The following CD99 variants were observed in gnomAD, a reference collection of about 807,000 sequenced individuals.
CD99 encodes the protein CD99 antigen.
A neutral mutation model predicts 28.4 loss-of-function variants in CD99; 19 were observed. The observed-to-expected ratio is 0.67, with a 90% confidence interval of 0.47 to 0.98. The LOEUF is 0.98. Ranked by LOEUF, CD99 falls within the 50% of genes least tolerant of loss-of-function variation. The pLI, the probability that CD99 is intolerant of heterozygous loss-of-function variation, is 0.00. For synonymous variants in CD99, 103 were observed against 92.1 expected (o/e 1.12, Z -0.67); for missense variants, 283 against 248.8 (o/e 1.14, Z -0.92).
chrX:2,713,741 G>T (rs867568173), intron 1 of CD99, among the ~76,000 whole-genome samples: 32 of 152,184 alleles, frequency 2.1e-4, no homozygotes, highest in African/African-American at 7.7e-4. Context: ...TTGGTGCTGA[G>T]GAGTGGGGAC....
chrX:2,733,723 A>C, intron 8 of CD99: 2 of 362,576 alleles, frequency 5.5e-6, no homozygotes, highest in South Asian at 5.7e-5. Context: ...ATCCCTGCCA[A>C]GGGAACAAAC....
intron 6 of CD99, 122 bp downstream of exon 6, chrX:2,722,796 C>A: frequency 9.3e-7 from 1 of 1,073,504 alleles, no homozygotes; most frequent in African/African-American, 1.5e-5. Context: ...AATGTTCAGC[C>A]ATCTCTGTGG....
At chrX:2,725,664 A>G (rs1177539806) in intron 7 of CD99, among the ~76,000 whole-genome samples, 1 of 152,086 alleles carries the variant, frequency 6.6e-6, no homozygotes, top group Non-Finnish European at 1.5e-5. Flanking sequence ...CCCAGGCTGG[A>G]GTGCAGCGGC....
intron 6 of CD99, 129 bp from the exon 7 acceptor site, chrX:2,723,185 C>A (rs1473477428): frequency 3.2e-6 from 3 of 930,054 alleles, no homozygotes; most frequent in Admixed American, 1.8e-5. Flanking sequence ...AGGACCCCAG[C>A]TCTGTAGCTG....
At chrX:2,714,747 G>GC (rs1329778025) in intron 2 of CD99, 1 of 319,272 alleles carries the variant, frequency 3.1e-6, no homozygotes, top group Non-Finnish European at 5.7e-6. Context: ...AAAAAATGAT[G>GC]CCGAGAGTCT....
chrX:2,706,034 G>T (rs1296992932), intron 1 of CD99, among the ~76,000 whole-genome samples: 1 of 148,308 alleles, frequency 6.7e-6, no homozygotes, highest in African/African-American at 2.5e-5. Flanking sequence ...CATGTGACTG[G>T]TTCCACTCGA....
At chrX:2,739,920 TAAA>T (rs760923352) in intron 9 of CD99, among the ~76,000 whole-genome samples, 1 of 110,136 alleles carries the variant, frequency 9.1e-6, no homozygotes, top group African/African-American at 3.4e-5. Flanking sequence ...TACTAAAAAT[TAAA>T]AAAAAAAAAA....
At chrX:2,736,038 T>TA (rs1464612533) in intron 8 of CD99, among the ~76,000 whole-genome samples, 1 of 151,590 alleles carries the variant, frequency 6.6e-6, no homozygotes, top group Non-Finnish European at 1.5e-5. Flanking sequence ...CCGTCTCTAC[T>TA]AAAAATACAA....
At chrX:2,701,815 T>G (rs2047877887) in intron 1 of CD99, among the ~76,000 whole-genome samples, 1 of 152,156 alleles carries the variant, frequency 6.6e-6, no homozygotes, top group Non-Finnish European at 1.5e-5. Context: ...TGGGAGGGGC[T>G]GGGGCTATTT....
At chrX:2,717,363 A>AT in intron 2 of CD99, 8 of 491,270 alleles carry the variant, frequency 1.6e-5, no homozygotes, top group Non-Finnish European at 2.2e-5. Context: ...AAAAAAAAAA[A>AT]GAAGTGGAGA....
At chrX:2,691,694 A>C in intron 1 of CD99, 1 of 703,494 alleles carries the variant, frequency 1.4e-6, no homozygotes, top group Non-Finnish European at 2.6e-6. Context: ...GCCTTGGGAG[A>C]GGTGCGTCCG....
chrX:2,733,652 A>G (rs1299511446), intron 8 of CD99: 1 of 533,080 alleles, frequency 1.9e-6, no homozygotes, highest in Non-Finnish European at 3.3e-6. Context: ...TCTTTTAAAC[A>G]TGAATCTAAC....
At chrX:2,723,881 G>A (rs927727458) in intron 7 of CD99, among the ~76,000 whole-genome samples, 1 of 151,864 alleles carries the variant, frequency 6.6e-6, no homozygotes, top group Non-Finnish European at 1.5e-5. Flanking sequence ...AATAATGACA[G>A]ACAGAATTCC....
At chrX:2,708,625 A>G (rs1339583142) in intron 1 of CD99, among the ~76,000 whole-genome samples, 2 of 152,182 alleles carry the variant, frequency 1.3e-5, no homozygotes, top group East Asian at 1.9e-4. Flanking sequence ...ATGGAAGACA[A>G]GCTCCAAGTG....
At chrX:2,695,703 G>C (rs2047542186) in intron 1 of CD99, among the ~76,000 whole-genome samples, 1 of 148,758 alleles carries the variant, frequency 6.7e-6, no homozygotes, top group Non-Finnish European at 1.5e-5. Context: ...GCAGGATCTT[G>C]GCTCACTGCG....
In CD99 at chrX:2,726,496, G is replaced by A. The variant is rs779611710; in HGVS notation, c.475+123G>A. On this transcript the variant is annotated intron_variant, in intron 8 of 9. Coordinates refer to ENST00000381192, the MANE Select transcript of CD99 (RefSeq NM_002414.5). ...ACAGGTGCACGATGGCTGATGGTTCGTGAAACTGCTAAAATTCTGGAATCG... is the reference window on the plus strand; with the variant it reads ...ACAGGTGCACGATGGCTGATGGTTCATGAAACTGCTAAAATTCTGGAATCG... 7.5e-4 allele frequency: 546 copies of A among 727,164 alleles called. 2 individuals are homozygous for A. In the Middle Eastern group the frequency reaches 8.4e-3, roughly 11 times the overall value. 45.0% of individuals were successfully genotyped at this position (727,164 alleles called of 1,614,324 possible).
At chrX:2,714,347 C>CT in intron 1 of CD99, 75 bp from the exon 2 acceptor site, 1 of 1,211,930 alleles carries the variant, frequency 8.3e-7, no homozygotes, top group Non-Finnish European at 1.2e-6. Flanking sequence ...AATCGCATAT[C>CT]TTTTTTATCT....
At chrX:2,717,451 TA>T in intron 2 of CD99, 153 bp from the exon 3 acceptor site, 1 of 654,138 alleles carries the variant, frequency 1.5e-6, no homozygotes, top group African/African-American at 1.8e-5. Flanking sequence ...AGTCGTTGTA[TA>T]AACCTCAGCT....
intron 2 of CD99, chrX:2,717,347 CA>C (rs111805240): frequency 0.097 from 33,184 of 342,544 alleles, no homozygotes; most frequent in South Asian, 0.16. Flanking sequence ...GACTTGGTCT[CA>C]AAAAAAAAAA....
Sources: gnomAD v4.1 joint callset for allele counts (sites outside exome capture counted in the v4.1 genomes callset) on GRCh38, gnomAD v4.1.1 for gene constraint, MANE v1.5 for transcripts, NCBI Gene and HGNC (gene_info 2026-07-23, HGNC 2026-07-21) for gene names.